PTPRG: variants seen among roughly 807,000 people sequenced by gnomAD.
The protein encoded by PTPRG is receptor-type tyrosine-protein phosphatase gamma.
A neutral mutation model predicts 165.3 loss-of-function variants in PTPRG; 102 were observed. The ratio of observed to expected loss-of-function variants is 0.62; its 90% CI spans 0.53 to 0.73. PTPRG has a LOEUF of 0.73. PTPRG is among the 30% of genes least tolerant of loss of function. The pLI is 0.00. For synonymous variants in PTPRG, 675 were observed against 669.5 expected (o/e 1.01, Z -0.13); for missense variants, 1,866 against 1,861.4 (o/e 1.00, Z -0.05).
intron 2 of PTPRG, among the ~76,000 whole-genome samples, chr3:61,836,300 T>C (rs1435971371): frequency 6.6e-6 from 1 of 152,200 alleles, no homozygotes; most frequent in East Asian, 1.9e-4. Context: ...CTCTGATTCA[T>C]GTACCCCTCA....
chr3:62,175,971 C>T (rs1705407261), intron 8 of PTPRG, among the ~76,000 whole-genome samples: 1 of 152,210 alleles, frequency 6.6e-6, no homozygotes, highest in Non-Finnish European at 1.5e-5. Context: ...AAAGACTTCT[C>T]TTGGTAAAGA....
intron 1 of PTPRG, among the ~76,000 whole-genome samples, chr3:61,580,442 G>C (rs572646058): frequency 6.7e-6 from 1 of 148,830 alleles, no homozygotes; most frequent in African/African-American, 2.5e-5. Context: ...ATGTAGTGGC[G>C]TGATCTCAGC....
At chr3:62,074,667 ACAC>A (rs1701325778) in intron 4 of PTPRG, among the ~76,000 whole-genome samples, 1 of 152,006 alleles carries the variant, frequency 6.6e-6, no homozygotes, top group African/African-American at 2.4e-5. Context: ...CAGCTTACGT[ACAC>A]CACGTTTCTT....
intron 12 of PTPRG, among the ~76,000 whole-genome samples, chr3:62,218,531 C>T (rs1440401915): frequency 1.3e-5 from 2 of 152,154 alleles, no homozygotes; most frequent in African/African-American, 2.4e-5. Context: ...TTCAAAGGCT[C>T]TTCTGGGTCG....
At chr3:62,234,332 G>A (rs920302451) in intron 14 of PTPRG, among the ~76,000 whole-genome samples, 3 of 152,292 alleles carry the variant, frequency 2.0e-5, no homozygotes, top group African/African-American at 7.2e-5. Context: ...AAGCATGTCT[G>A]TAGGAAAATT....
intron 1 of PTPRG, among the ~76,000 whole-genome samples, chr3:61,716,110 C>T (rs960797053): frequency 4.6e-5 from 7 of 152,118 alleles, no homozygotes; most frequent in African/African-American, 1.7e-4. Context: ...TCACTGCCAC[C>T]GCCACGCCCC....
Position 62,195,382 on chromosome 3 carries a change from A to G in PTPRG, c.1327+212A>G, listed in dbSNP as rs1232978827. On this transcript the variant is annotated intron_variant, in intron 10 of 29. Transcript: ENST00000474889. The surrounding 1 kb of genome is among the most constrained non-coding windows in gnomAD (Gnocchi z 4.4). ...CAGAAGAGGGGAGAAAAAACAAAAC[A>G]TTTTTGATTGTTTTATTGTTATTTT... Among the ~76,000 whole-genome samples, 2 of 151,966 alleles carry G rather than the reference A, an allele frequency of 1.3e-5. No individual in the cohort carries two copies. The highest frequency in any genetic ancestry group is 2.9e-5 in the Non-Finnish European group (2 of 67,976).
intron 20 of PTPRG, among the ~76,000 whole-genome samples, chr3:62,270,784 T>G (rs1291244835): frequency 2.6e-5 from 4 of 152,194 alleles, no homozygotes; most frequent in Admixed American, 1.3e-4. Flanking sequence ...GGGGAATATT[T>G]CATCTAAAGT....
chr3:62,191,391 G>A (rs1175933903), intron 8 of PTPRG, 78 bp from the exon 9 acceptor site: 19 of 1,380,460 alleles, frequency 1.4e-5, no homozygotes, highest in Non-Finnish European at 1.8e-5. Context: ...AACTTTTTGA[G>A]GCTGCAGTCC....
At chr3:62,025,649 G>GTATC (rs774622693) in intron 4 of PTPRG, among the ~76,000 whole-genome samples, 3 of 151,902 alleles carry the variant, frequency 2.0e-5, no homozygotes, top group Non-Finnish European at 4.4e-5. Flanking sequence ...TTTCCCTCAG[G>GTATC]TATCTACCTG....
chr3:61,659,303 G>T (rs1296391111), intron 1 of PTPRG: 2 of 985,130 alleles, frequency 2.0e-6, no homozygotes, highest in Non-Finnish European at 2.4e-6. Flanking sequence ...GGCACTGATG[G>T]TGCAAGTCCA....
Position 62,000,638 on chromosome 3 carries a change from TCTC to T in PTPRG, c.371-2706_371-2704del, listed in dbSNP as rs1230622306. 5.3e-5 allele frequency among the ~76,000 whole-genome samples: 8 copies of T among 152,162 alleles called. 1 individual carries two copies. Among genetic ancestry groups the T allele is most frequent in the Middle Eastern group, 6.8e-3 (2 of 292 alleles). ...ATCTCAAAAAAAGTAAAATAAAAGA[TCTC>T]CTCCCAAATAGTATTTGAGCCACCC... On this transcript the variant is annotated intron_variant, in intron 3 of 29. Transcript: ENST00000474889.
chr3:61,578,550 C>G (rs1314409997), intron 1 of PTPRG, among the ~76,000 whole-genome samples: 1 of 152,182 alleles, frequency 6.6e-6, no homozygotes, highest in Non-Finnish European at 1.5e-5. Flanking sequence ...TTCCTTTCTC[C>G]AACAGAATGC....
chr3:61,747,313 T>C lies in PTPRG; in HGVS notation c.86-1565T>C, dbSNP rs530363208. ...ATTTATTACTAACATAGCAAGACAG[T>C]GTTTTACTCACTGTTTTGATGGAAA... On this transcript the variant is annotated intron_variant, in intron 1 of 29. Transcript: ENST00000474889. Among the ~76,000 whole-genome samples the C allele has an allele frequency of 2.0e-5, 3 of 152,190 alleles. No homozygotes were observed. The South Asian group carries it at 6.2e-4, about 32-fold the overall frequency.
intron 2 of PTPRG, chr3:61,753,585 G>GGTTT: frequency 5.5e-6 from 2 of 362,970 alleles, no homozygotes; most frequent in South Asian, 3.9e-5. Flanking sequence ...AAATTTGAGG[G>GGTTT]TTTTTTTTTT....
At chr3:61,844,678 G>A (rs1434705295) in intron 2 of PTPRG, among the ~76,000 whole-genome samples, 1 of 147,754 alleles carries the variant, frequency 6.8e-6, no homozygotes, top group Non-Finnish European at 1.5e-5. Context: ...TTTTCCCCCT[G>A]TTTGGTAGAG....
At chr3:61,651,668 C>T (rs1460087682) in intron 1 of PTPRG, among the ~76,000 whole-genome samples, 1 of 152,104 alleles carries the variant, frequency 6.6e-6, no homozygotes, top group East Asian at 1.9e-4. Flanking sequence ...TCTGGTGTAC[C>T]TTGGAGAGTG....
At chr3:62,065,136 C>A (rs972159174) in intron 4 of PTPRG, among the ~76,000 whole-genome samples, 1 of 152,008 alleles carries the variant, frequency 6.6e-6, no homozygotes, top group East Asian at 1.9e-4. Flanking sequence ...AATTGGTATT[C>A]TCCTGCACTG....
intron 3 of PTPRG, among the ~76,000 whole-genome samples, chr3:61,999,533 T>G (rs966387686): frequency 2.2e-4 from 34 of 152,354 alleles, no homozygotes; most frequent in African/African-American, 8.2e-4. Flanking sequence ...CTTTAGCTGT[T>G]AGCTTGGCAC....
Sources: allele counts gnomAD v4.1 joint callset (sites outside exome capture counted in the v4.1 genomes callset), GRCh38; gene constraint gnomAD v4.1.1; non-coding constraint Gnocchi (gnomAD v3.1); transcripts MANE v1.5; gene names NCBI Gene and HGNC (gene_info 2026-07-23, HGNC 2026-07-21).